Variants in UNC13B observed in about 807,000 individuals in gnomAD.
UNC13B encodes protein unc-13 homolog B.
Under a neutral mutation model 211.0 loss-of-function variants are expected in UNC13B, and 144 were observed. That is an observed-to-expected ratio of 0.68 (90% CI 0.60 to 0.78). UNC13B has a LOEUF of 0.78. Among genes scored for constraint, UNC13B ranks in the 30% least tolerant of loss-of-function variants. The probability of loss-of-function intolerance (pLI) is 0.00; values close to 1 mark genes in which losing one functional copy is unlikely to be tolerated. For missense variants in UNC13B, 1,777 were observed against 2,002.0 expected (o/e 0.89, Z 2.14); for synonymous variants, 709 against 725.8 (o/e 0.98, Z 0.37).
chr9:35,343,947 G>T (rs551547409), intron 11 of UNC13B, among the ~76,000 whole-genome samples: 1 of 151,692 alleles, frequency 6.6e-6, no homozygotes, highest in Admixed American at 6.6e-5. Context: ...TTTGGCTATT[G>T]GGTTAGATAA....
intron 1 of UNC13B, among the ~76,000 whole-genome samples, chr9:35,203,768 A>T (rs570316854): frequency 6.6e-6 from 1 of 152,364 alleles, no homozygotes; most frequent in East Asian, 1.9e-4. Context: ...CTTATTTAAA[A>T]GGGAAGCAGA....
intron 1 of UNC13B, among the ~76,000 whole-genome samples, chr9:35,201,427 T>C (rs993174242): frequency 1.3e-5 from 2 of 152,242 alleles, no homozygotes; most frequent in Admixed American, 1.3e-4. Context: ...CTTCTCTTTG[T>C]ACCTCTGGTA....
intron 1 of UNC13B, among the ~76,000 whole-genome samples, chr9:35,190,087 C>T (rs569041581): frequency 5.2e-4 from 79 of 152,268 alleles, no homozygotes; most frequent in Non-Finnish European, 8.5e-4. Context: ...AAGAAAGATC[C>T]GCAAAATTAA....
Position 35,169,047 on chromosome 9 carries a change from G to T in UNC13B, c.22+6742G>T, listed in dbSNP as rs546652516. ...ACCAAGTTGATTTATATTATGATTT[G>T]CCCTTTAAAAAACTCGTTACTGGAC... is the stretch of plus-strand genomic sequence containing the variant. On this transcript the variant is annotated intron_variant, in intron 1 of 39. Transcript: ENST00000635942. Among the ~76,000 whole-genome samples the T allele has an allele frequency of 1.5e-4, 23 of 152,182 alleles. 1 individual carries two copies. The South Asian group carries it at 3.3e-3, about 22-fold the overall frequency.
chr9:35,351,320 A>C, intron 11 of UNC13B: 2 of 1,219,026 alleles, frequency 1.6e-6, no homozygotes, highest in Non-Finnish European at 2.0e-6. Context: ...GCCAGGATCC[A>C]GGGGCATGTG....
chr9:35,284,135 CTG>C (rs2095515671), intron 7 of UNC13B, among the ~76,000 whole-genome samples: 1 of 152,104 alleles, frequency 6.6e-6, no homozygotes, highest in African/African-American at 2.4e-5. Context: ...TGGCATGCGA[CTG>C]TAGCCTGTAG....
chr9:35,364,413 AGTT>A, intron 11 of UNC13B: 1 of 888,578 alleles, frequency 1.1e-6, no homozygotes. Flanking sequence ...TGAACTGCCT[AGTT>A]GTCCCGAGGA....
intron 7 of UNC13B, among the ~76,000 whole-genome samples, chr9:35,272,295 T>C (rs1207825038): frequency 1.3e-5 from 2 of 150,264 alleles, no homozygotes; most frequent in Admixed American, 6.6e-5. Context: ...TCTCACTCTG[T>C]CGTCCAGGCT....
intron 11 of UNC13B, among the ~76,000 whole-genome samples, chr9:35,318,919 C>A (rs1437309980): frequency 6.6e-6 from 1 of 152,158 alleles, no homozygotes; most frequent in East Asian, 1.9e-4. Flanking sequence ...TCTCTGCAAT[C>A]CAGGCTGATG....
chr9:35,251,243 C>T (rs968865874), intron 6 of UNC13B, among the ~76,000 whole-genome samples: 43 of 151,940 alleles, frequency 2.8e-4, no homozygotes, highest in African/African-American at 8.9e-4. Flanking sequence ...GGATTACAGG[C>T]GTGAGTCACC....
intron 1 of UNC13B, among the ~76,000 whole-genome samples, chr9:35,167,569 A>G (rs1274056870): frequency 6.7e-6 from 1 of 150,256 alleles, no homozygotes; most frequent in Non-Finnish European, 1.5e-5. Context: ...ACAGTGCTAC[A>G]ATGAACATCT....
chr9:35,379,416 T>C (rs1834668452), intron 17 of UNC13B, among the ~76,000 whole-genome samples: 1 of 151,158 alleles, frequency 6.6e-6, no homozygotes, highest in Non-Finnish European at 1.5e-5. Context: ...GCCACTGTAC[T>C]CCAGCCTGGT....
intron 11 of UNC13B, among the ~76,000 whole-genome samples, chr9:35,329,091 C>T (rs1831221612): frequency 1.3e-5 from 2 of 152,048 alleles, no homozygotes; most frequent in South Asian, 2.1e-4. Context: ...CCCTTTCTTC[C>T]CTTGCCTTTT....
chr9:35,286,687 T>C (rs1828815169), intron 7 of UNC13B, among the ~76,000 whole-genome samples: 2 of 152,156 alleles, frequency 1.3e-5, no homozygotes, highest in South Asian at 4.1e-4. Flanking sequence ...AGGCCCTGTT[T>C]CTACAAAAAA....
Position 35,382,228 on chromosome 9 carries a change from C to T in UNC13B, c.10656-129C>T. Reference sequence around the variant, plus strand: ...CCCTAGAGCTGTGTGCAGAAAGTAGCCCTAGGCAAGAGAGGGCAGCAATTG... The same window carrying T: ...CCCTAGAGCTGTGTGCAGAAAGTAGTCCTAGGCAAGAGAGGGCAGCAATTG... On this transcript the variant is annotated intron_variant, in intron 20 of 39. Coordinates refer to ENST00000635942, the MANE Select transcript of UNC13B (RefSeq NM_001371189.2). The T allele has an allele frequency of 5.5e-6, 7 of 1,265,232 alleles. No homozygotes were observed. The South Asian group carries it at 1.0e-4, about 19-fold the overall frequency. The allele number at this position is 1,265,232 out of a possible 1,614,324, so 78.4% of individuals were successfully genotyped here. A position where few individuals can be genotyped will look rare whatever the true frequency, so the allele number is the denominator to read the frequency against.
chr9:35,176,556 A>C (rs551523851), intron 1 of UNC13B, among the ~76,000 whole-genome samples: 3 of 152,300 alleles, frequency 2.0e-5, no homozygotes, highest in African/African-American at 7.2e-5. Context: ...TCAAACAAAC[A>C]AACCAACAAA....
intron 1 of UNC13B, among the ~76,000 whole-genome samples, chr9:35,211,340 C>G (rs762830588): frequency 6.6e-6 from 1 of 152,024 alleles, no homozygotes; most frequent in Non-Finnish European, 1.5e-5. Context: ...CCTATGCATA[C>G]TTTTTATCGT....
intron 11 of UNC13B, among the ~76,000 whole-genome samples, chr9:35,330,199 AT>A (rs1831289681): frequency 6.6e-6 from 1 of 152,236 alleles, no homozygotes; most frequent in Non-Finnish European, 1.5e-5. Flanking sequence ...AGAAAAATGC[AT>A]TTTTGAGTAC....
At chr9:35,327,304 T>G (rs1831072709) in intron 11 of UNC13B, among the ~76,000 whole-genome samples, 1 of 152,166 alleles carries the variant, frequency 6.6e-6, no homozygotes, top group African/African-American at 2.4e-5. Flanking sequence ...TGAAGTCCCA[T>G]GCATGATAGG....
Sources: gnomAD v4.1 joint callset for allele counts (sites outside exome capture counted in the v4.1 genomes callset) on GRCh38, gnomAD v4.1.1 for gene constraint, MANE v1.5 for transcripts, NCBI Gene and HGNC (gene_info 2026-07-23, HGNC 2026-07-21) for gene names.